Variants in NKAIN2 observed in about 807,000 individuals in gnomAD.
The protein encoded by NKAIN2 is sodium/potassium-transporting ATPase subunit beta-1-interacting protein 2.
Under a neutral mutation model 32.6 loss-of-function variants are expected in NKAIN2, and 14 were observed. That is an observed-to-expected ratio of 0.43 (90% confidence interval 0.28 to 0.67). NKAIN2 has a LOEUF of 0.67. Among genes scored for constraint, NKAIN2 ranks in the 30% least tolerant of loss-of-function variants. NKAIN2 has a pLI of 0.17. For missense variants in NKAIN2, 198 were observed against 258.3 expected (o/e 0.77, Z 1.60); for synonymous variants, 80 against 87.2 (o/e 0.92, Z 0.46).
chr6:123,908,679 G>T (rs1775011453), intron 1 of NKAIN2, among the ~76,000 whole-genome samples: 1 of 152,092 alleles, frequency 6.6e-6, no homozygotes, highest in East Asian at 1.9e-4. Context: ...ACTCCTCAAA[G>T]GAGTTCCCAC....
At position 124,791,330 on chromosome 6, in the gene NKAIN2, T is replaced by G. The variant is rs1031218872; in HGVS notation, c.475-9T>G. ...TTCTGATGTCTAAAGCATCTCTGTT[T>G]TGTTTCAGCTGGCAGGTTTCATCTA... On this transcript the variant is annotated splice_polypyrimidine_tract_variant and intron_variant, in intron 4 of 6. Coordinates refer to ENST00000368417, the MANE Select transcript of NKAIN2 (RefSeq NM_001040214.3). 1.2e-6 allele frequency: 2 copies of G among 1,606,334 alleles called. No homozygotes were observed. Among genetic ancestry groups the G allele is most frequent in the African/African-American group, 2.7e-5 (2 of 74,732 alleles).
intron 1 of NKAIN2, among the ~76,000 whole-genome samples, chr6:123,997,776 T>C (rs955887354): frequency 9.9e-5 from 15 of 151,864 alleles, no homozygotes; most frequent in Non-Finnish European, 2.1e-4. Flanking sequence ...GCTAATTTTT[T>C]GTATTTTTAG....
At chr6:123,887,327 A>C (rs1773771423) in intron 1 of NKAIN2, among the ~76,000 whole-genome samples, 1 of 152,110 alleles carries the variant, frequency 6.6e-6, no homozygotes, top group Admixed American at 6.6e-5. Flanking sequence ...TTCATGGTTA[A>C]GAGGCATACT....
At chr6:124,618,912 T>G (rs750003774) in intron 3 of NKAIN2, among the ~76,000 whole-genome samples, 4 of 152,210 alleles carry the variant, frequency 2.6e-5, no homozygotes, top group Non-Finnish European at 5.9e-5. Context: ...TTGGCATTAT[T>G]AACATGATAA....
Position 124,803,101 on chromosome 6 carries a change from C to CT in NKAIN2, c.535+11704dup, listed in dbSNP as rs375328668. ...GGGTGTTGTCTCCTGCTCAACCATG[C>CT]TTCATTCTTCTGCATTTGACAAAGT... On this transcript the variant is annotated intron_variant, in intron 5 of 6. Coordinates refer to ENST00000368417, the MANE Select transcript of NKAIN2 (RefSeq NM_001040214.3). Among the ~76,000 whole-genome samples the CT allele has an allele frequency of 4.6e-3, 696 of 152,324 alleles. 5 individuals carry two copies. Among genetic ancestry groups the CT allele is most frequent in the African/African-American group, 0.016 (663 of 41,572 alleles).
At chr6:124,423,883 A>T (rs1435603045) in intron 3 of NKAIN2, among the ~76,000 whole-genome samples, 1 of 152,136 alleles carries the variant, frequency 6.6e-6, no homozygotes. Flanking sequence ...TGTGACAAAT[A>T]ATTTTTTTGT....
At chr6:124,764,422 C>T (rs1778416852) in intron 4 of NKAIN2, among the ~76,000 whole-genome samples, 1 of 152,022 alleles carries the variant, frequency 6.6e-6, no homozygotes, top group African/African-American at 2.4e-5. Flanking sequence ...ATTTTGATTA[C>T]TGTAATTCTG....
At chr6:124,139,827 A>G (rs1787047006) in intron 1 of NKAIN2, among the ~76,000 whole-genome samples, 1 of 152,174 alleles carries the variant, frequency 6.6e-6, no homozygotes, top group Non-Finnish European at 1.5e-5. Context: ...GAGAAGAAGG[A>G]TATTTATTTC....
intron 4 of NKAIN2, among the ~76,000 whole-genome samples, chr6:124,706,093 A>G (rs945946): frequency 0.47 from 71,012 of 151,886 alleles, 17,175 homozygotes; most frequent in African/African-American, 0.59. Flanking sequence ...GTTCCCGAAA[A>G]CAAGAACCAC....
intron 1 of NKAIN2, among the ~76,000 whole-genome samples, chr6:123,944,654 T>C (rs1358174698): frequency 6.6e-6 from 1 of 152,008 alleles, no homozygotes. Flanking sequence ...TAAGGAAAAA[T>C]ATAAAACTTG....
chr6:124,205,446 C>G (rs1790823035), intron 1 of NKAIN2, among the ~76,000 whole-genome samples: 1 of 151,698 alleles, frequency 6.6e-6, no homozygotes, highest in Non-Finnish European at 1.5e-5. Flanking sequence ...TCATGCATTT[C>G]TGAATACTTT....
Position 124,762,823 on chromosome 6 carries a change from A to C in NKAIN2, c.475-28516A>C, listed in dbSNP as rs937870837. Among the ~76,000 whole-genome samples, 6 of 152,312 alleles carry C rather than the reference A, an allele frequency of 3.9e-5. No individual in the cohort carries two copies. The South Asian group carries it at 6.2e-4, about 16-fold the overall frequency. On this transcript the variant is annotated intron_variant, in intron 4 of 6. Transcript: ENST00000368417. ...CTATCGGAGAGCGTTGGTTTGCAGG[A>C]GCAGGAGCAGGGGTGCCCCTGGGTA...
chr6:123,843,852 A>T (rs1427763663), intron 1 of NKAIN2, among the ~76,000 whole-genome samples: 6 of 152,092 alleles, frequency 3.9e-5, no homozygotes, highest in Non-Finnish European at 8.8e-5. Context: ...TCTCTCAGGT[A>T]ATAAAAGTTT....
intron 3 of NKAIN2, among the ~76,000 whole-genome samples, chr6:124,414,309 TATC>T (rs1212155858): frequency 2.6e-5 from 4 of 152,180 alleles, no homozygotes; most frequent in African/African-American, 7.2e-5. Context: ...AGTTTGATAA[TATC>T]ATGAATTATA....
intron 1 of NKAIN2, among the ~76,000 whole-genome samples, chr6:124,280,012 A>G (rs986253313): frequency 1.3e-5 from 2 of 152,186 alleles, no homozygotes; most frequent in Non-Finnish European, 2.9e-5. Flanking sequence ...AGCCAAACAC[A>G]AGGAACCAAA....
At chr6:124,261,610 T>A (rs1794250397) in intron 1 of NKAIN2, among the ~76,000 whole-genome samples, 1 of 152,242 alleles carries the variant, frequency 6.6e-6, no homozygotes, top group East Asian at 1.9e-4. Context: ...CCCGTAATCC[T>A]AGCACTTTGG....
chr6:124,809,169 C>T (rs958196162), intron 5 of NKAIN2, among the ~76,000 whole-genome samples: 15 of 152,112 alleles, frequency 9.9e-5, no homozygotes, highest in Admixed American at 1.3e-4. Flanking sequence ...GAGCCTGCAT[C>T]GCCAAGTCAA....
At chr6:124,230,603 G>A (rs1792396439) in intron 1 of NKAIN2, among the ~76,000 whole-genome samples, 1 of 152,146 alleles carries the variant, frequency 6.6e-6, no homozygotes, top group Admixed American at 6.6e-5. Flanking sequence ...GCAGTCTAGG[G>A]ACTTGGTGCC....
At chr6:124,245,479 C>T (rs1174345466) in intron 1 of NKAIN2, among the ~76,000 whole-genome samples, 1 of 152,022 alleles carries the variant, frequency 6.6e-6, no homozygotes, top group Non-Finnish European at 1.5e-5. Context: ...AGTTTAGCTA[C>T]TACAGGTTAC....
Sources: allele counts gnomAD v4.1 joint callset (sites outside exome capture counted in the v4.1 genomes callset), GRCh38; gene constraint gnomAD v4.1.1; transcripts MANE v1.5; gene names NCBI Gene and HGNC (gene_info 2026-07-23, HGNC 2026-07-21).